IARS2: variants seen among roughly 807,000 people sequenced by gnomAD.
IARS2 encodes the protein isoleucyl-tRNA synthetase 2, mitochondrial.
In IARS2, 56 loss-of-function variants were observed where a neutral mutation model predicts 126.3. That is an observed-to-expected ratio of 0.44 (90% CI 0.36 to 0.55). The LOEUF is 0.55. Ranked by LOEUF, IARS2 falls within the 20% of genes least tolerant of loss-of-function variation. The pLI, the probability that IARS2 is intolerant of heterozygous loss-of-function variation, is 0.00. For synonymous variants in IARS2, 407 were observed against 441.1 expected (o/e 0.92, Z 0.97); for missense variants, 1,127 against 1,245.9 (o/e 0.90, Z 1.44).
intron 8 of IARS2, 30 bp from the exon 9 acceptor site, chr1:220,105,861 A>G: frequency 1.3e-6 from 2 of 1,595,992 alleles, no homozygotes; most frequent in Non-Finnish European, 1.7e-6. Flanking sequence ...ATATAAAATG[A>G]TTCTTAATAG....
intron 12 of IARS2, chr1:220,118,248 TA>T (rs1166576535): frequency 6.4e-6 from 3 of 469,810 alleles, no homozygotes; most frequent in Non-Finnish European, 1.3e-5. Flanking sequence ...CCATTAAACA[TA>T]TAAGGAGATT....
chr1:220,125,829 G>A (rs999640202), intron 13 of IARS2, among the ~76,000 whole-genome samples: 2 of 151,898 alleles, frequency 1.3e-5, no homozygotes, highest in Non-Finnish European at 2.9e-5. Flanking sequence ...TTATTAGGTC[G>A]GGCGCAGTGG....
chr1:220,105,794 A>G lies in IARS2; in HGVS notation c.1067-97A>G. The G allele has an allele frequency of 3.0e-6, 3 of 1,004,980 alleles. No homozygotes were observed. The South Asian group carries it at 4.3e-5, about 14-fold the overall frequency. 62.3% of individuals were successfully genotyped at this position (1,004,980 alleles called of 1,614,324 possible). A position where few individuals can be genotyped will look rare whatever the true frequency, so the allele number is the denominator to read the frequency against. On this transcript the variant is annotated intron_variant, in intron 8 of 22. Coordinates refer to ENST00000366922, the MANE Select transcript of IARS2 (RefSeq NM_018060.4). The stretch of plus-strand genomic sequence containing the variant: ...ATTTAAGCCTAGCCAGTATTGTTCT[A>G]GATTCTGCACATTTAACCTGATACT...
chr1:220,140,900 C>T (rs1657476017), intron 19 of IARS2, among the ~76,000 whole-genome samples: 1 of 149,470 alleles, frequency 6.7e-6, no homozygotes, highest in Admixed American at 6.8e-5. Flanking sequence ...AGGAGAATGG[C>T]GTGAACCCGG....
intron 19 of IARS2, among the ~76,000 whole-genome samples, chr1:220,141,449 G>A (rs1657491535): frequency 6.6e-6 from 1 of 152,086 alleles, no homozygotes. Context: ...TTGCACATAG[G>A]GATTATAACT....
intron 22 of IARS2, 79 bp downstream of exon 22, chr1:220,145,732 G>T: frequency 8.4e-7 from 1 of 1,196,540 alleles, no homozygotes; most frequent in Non-Finnish European, 1.2e-6. Context: ...CCAGTGGACT[G>T]GGTTTATTCT....
At chr1:220,144,908 T>C (rs1050362834) in intron 21 of IARS2, among the ~76,000 whole-genome samples, 6 of 152,138 alleles carry the variant, frequency 3.9e-5, no homozygotes, top group African/African-American at 1.4e-4. Context: ...TCTATGTTGG[T>C]TAGCTTACAA....
At chr1:220,113,221 T>TATTC (rs537987076) in intron 11 of IARS2, among the ~76,000 whole-genome samples, 19 of 152,290 alleles carry the variant, frequency 1.2e-4, no homozygotes, top group African/African-American at 4.3e-4. Flanking sequence ...AAGTAATAGT[T>TATTC]ATTCCTTAGC....
Position 220,100,669 on chromosome 1 carries a change from G to C in IARS2, c.550+20G>C. On this transcript the variant is annotated intron_variant, in intron 3 of 22. Coordinates refer to ENST00000366922, the MANE Select transcript of IARS2 (RefSeq NM_018060.4). ...AGAAAGGTAAATAATCTGTATTTCT[G>C]TTTTAAAATGATATTTGTAAACACT... 1.3e-6 allele frequency: 2 copies of C among 1,567,710 alleles called. No individual in the cohort carries two copies.
chr1:220,140,448 AC>A (rs1205589117), intron 19 of IARS2, among the ~76,000 whole-genome samples, 159 bp downstream of exon 19: 2 of 151,944 alleles, frequency 1.3e-5, no homozygotes, highest in African/African-American at 4.8e-5. Context: ...GCATGGTGGC[AC>A]ATGCCTGTAA....
intron 17 of IARS2, among the ~76,000 whole-genome samples, chr1:220,138,487 C>T (rs1308320648): frequency 1.9e-4 from 29 of 151,776 alleles, no homozygotes; most frequent in Admixed American, 1.9e-3. Context: ...ACAAAAAACT[C>T]CTGTGTAAAT....
rs1657457372 is a variant in IARS2 at position 220,140,230 on chromosome 1, G to A, written c.2355G>A (p.Leu785=). The change falls in exon 19 of 23, where the codon CTG becomes CTA. Residue 785 remains leucine (L), a synonymous_variant. Transcript: ENST00000366922. Reference sequence around the variant, plus strand: ...ATGATTTTGGAAAAGTTGTTCGGCTGTTACGGACGTTTTATACCAGAGAGC... The same window carrying A: ...ATGATTTTGGAAAAGTTGTTCGGCTATTACGGACGTTTTATACCAGAGAGC... ...KQYDFGKVVR[L]LRTFYTRELS... is the part of the protein sequence containing the mutation. The A allele has an allele frequency of 6.2e-7, 1 of 1,613,192 alleles. No individual in the cohort carries two copies. Among genetic ancestry groups the A allele is most frequent in the Middle Eastern group, 1.7e-4 (1 of 6,054 alleles).
At chr1:220,119,138 G>A (rs185757982) in intron 12 of IARS2, among the ~76,000 whole-genome samples, 1 of 152,008 alleles carries the variant, frequency 6.6e-6, no homozygotes. Context: ...TCCATAACAC[G>A]CTAAATAAGC....
chr1:220,107,126 T>C lies in IARS2; in HGVS notation c.1302T>C (p.Ala434=). Residue 434 remains alanine, a synonymous_variant, in exon 10 of 23, where the codon GCT becomes GCC. Coordinates refer to ENST00000366922, the MANE Select transcript of IARS2 (RefSeq NM_018060.4). ...DVAGPELQNK[A]VLEEGTDVVI... is the part of the protein sequence containing the mutation. ...CAGGTCCTGAACTTCAAAACAAGGC[T>C]GTCCTTGAAGAGGGAACTGATGTGG... 1 of 1,613,452 alleles carries C rather than the reference T, an allele frequency of 6.2e-7. No homozygotes were observed. Among genetic ancestry groups the C allele is most frequent in the South Asian group, 1.1e-5 (1 of 91,080 alleles).
Position 220,125,223 on chromosome 1 carries a change from C to T in IARS2, c.1641-14C>T. 1.3e-6 allele frequency: 2 copies of T among 1,494,220 alleles called. No homozygotes were observed. The highest frequency in any genetic ancestry group is 1.9e-6 in the Non-Finnish European group (2 of 1,080,134). 92.6% of individuals were successfully genotyped at this position (1,494,220 alleles called of 1,614,324 possible). On this transcript the variant is annotated splice_polypyrimidine_tract_variant and intron_variant, in intron 12 of 22. Transcript: ENST00000366922. Reference sequence around the variant, plus strand: ...AGTTAATTGAATAATTCTGCCATGTCCCCCCTGAAATAGCCAAACCACTGA... The same window carrying T: ...AGTTAATTGAATAATTCTGCCATGTTCCCCCTGAAATAGCCAAACCACTGA...
Position 220,126,815 on chromosome 1 carries a change from C to T in IARS2, c.1809C>T (p.Ser603=), listed in dbSNP as rs201363755. Residue 603 remains serine (S), a synonymous_variant, in exon 14 of 23, where the codon AGC becomes AGT. Transcript: ENST00000366922. The stretch of plus-strand genomic sequence containing the variant: ...ATATTTTGGACATCTGGTTTGATAG[C>T]GGAACTTCATGGTCTTATGTTCTTC... ...GQDILDIWFD[S]GTSWSYVLPG... 2.5e-5 allele frequency: 40 copies of T among 1,612,602 alleles called. 1 individual carries two copies. Among genetic ancestry groups the T allele is most frequent in the South Asian group, 1.4e-4 (13 of 90,738 alleles).
In IARS2 at chr1:220,122,013, G is replaced by A. The variant is rs192758951; in HGVS notation, c.1641-3224G>A. ...GGCTGAGGCGGGAGGATTACTTGACGCAGGAGTTCAAGGCTTCAAGTGAGC... is the reference window on the plus strand; with the variant it reads ...GGCTGAGGCGGGAGGATTACTTGACACAGGAGTTCAAGGCTTCAAGTGAGC... On this transcript the variant is annotated intron_variant, in intron 12 of 22. Transcript: ENST00000366922. Among the ~76,000 whole-genome samples the A allele has an allele frequency of 8.5e-5, 13 of 152,244 alleles. No homozygotes were observed. In the East Asian group the frequency reaches 2.5e-3, roughly 29 times the overall value.
intron 1 of IARS2, among the ~76,000 whole-genome samples, 167 bp downstream of exon 1, chr1:220,094,650 A>T (rs1656398867): frequency 6.6e-6 from 1 of 152,132 alleles, no homozygotes; most frequent in East Asian, 1.9e-4. Flanking sequence ...TGGGCTGAAA[A>T]CCTAAGTGAA....
At position 220,094,365 on chromosome 1, in the gene IARS2, A is replaced by G; in HGVS notation, c.149A>G (p.Asn50Ser). The G allele has an allele frequency of 6.2e-7, 1 of 1,612,976 alleles. No individual in the cohort carries two copies. Among genetic ancestry groups the G allele is most frequent in the Non-Finnish European group, 8.5e-7 (1 of 1,179,664 alleles). The change falls in exon 1 of 23, where the codon AAC (asparagine) becomes AGC (serine). Residue 50 changes from asparagine (N) to serine (S), a missense_variant. Physicochemically the swap from Asn to Ser is conservative, Grantham distance 46. Coordinates refer to ENST00000366922, the MANE Select transcript of IARS2 (RefSeq NM_018060.4). ...LLVRSVSGASNHQPNSNSGRY... is the reference protein window; with the variant it reads ...LLVRSVSGASSHQPNSNSGRY... ...GTGCGGTCGGTCTCCGGGGCCAGTA[A>G]CCACCAGCCGAACTCGAATAGTGGC...
Sources: gnomAD v4.1 joint callset for allele counts (sites outside exome capture counted in the v4.1 genomes callset) on GRCh38, gnomAD v4.1.1 for gene constraint, MANE v1.5 for transcripts, NCBI Gene and HGNC (gene_info 2026-07-23, HGNC 2026-07-21) for gene names.